Variants in GLI3 observed in about 807,000 individuals in gnomAD.
GLI3 encodes the protein transcription activator GLI3.
GLI3 carries 20 observed loss-of-function variants against 100.8 expected under a neutral mutation model. That is an observed-to-expected ratio of 0.20 (90% CI 0.14 to 0.29). GLI3 has a LOEUF of 0.29. GLI3 is among the 10% of genes least tolerant of loss of function. The pLI, the probability that GLI3 is intolerant of heterozygous loss-of-function variation, is 1.00. For synonymous variants in GLI3, 938 were observed against 860.5 expected, an observed-to-expected ratio of 1.09 and a Z score of -1.58; for missense variants, 2,040 against 2,128.5, an observed-to-expected ratio of 0.96 and a Z score of 0.82.
intron 5 of GLI3, among the ~76,000 whole-genome samples, chr7:42,047,252 CA>C (rs1324065518): frequency 6.6e-6 from 1 of 152,002 alleles, no homozygotes; most frequent in Non-Finnish European, 1.5e-5. Context: ...TGCACTGAAT[CA>C]AAAAAGAAAA....
chr7:42,040,010 C>A (rs1018436947), intron 7 of GLI3, 28 bp downstream of exon 7: 1 of 1,546,430 alleles, frequency 6.5e-7, no homozygotes, highest in South Asian at 1.1e-5. Flanking sequence ...ATTTAAAAAA[C>A]ACATAATGGA....
At chr7:42,152,799 C>T (rs1786904918) in intron 2 of GLI3, among the ~76,000 whole-genome samples, 2 of 152,210 alleles carry the variant, frequency 1.3e-5, no homozygotes, top group South Asian at 2.1e-4. Context: ...TCTGTATTGA[C>T]TTAAGAACAG....
Position 41,962,158 on chromosome 7 carries a change from T to C in GLI3, c.*2172A>G, listed in dbSNP as rs1309699367. ...TGGAGGTTGCATCCGAGAATACTAC[T>C]GGAAGAGCCCTCTGATGGAGGAGGT... On this transcript the variant is annotated 3_prime_UTR_variant, in exon 15 of 15. Coordinates refer to ENST00000395925, the MANE Select transcript of GLI3 (RefSeq NM_000168.6). The C allele has an allele frequency of 1.3e-5, 2 of 152,148 alleles. No individual in the cohort carries two copies. Among genetic ancestry groups the C allele is most frequent in the African/African-American group, 4.8e-5 (2 of 41,420 alleles). The allele number at this position is 152,148 out of a possible 1,614,324, so 9.4% of individuals were successfully genotyped here.
chr7:42,143,585 T>A (rs1786626537), intron 3 of GLI3, among the ~76,000 whole-genome samples: 1 of 152,198 alleles, frequency 6.6e-6, no homozygotes, highest in Non-Finnish European at 1.5e-5. Flanking sequence ...TCTATGCAGT[T>A]TTTTAGCACA....
intron 10 of GLI3, among the ~76,000 whole-genome samples, chr7:42,018,787 T>G (rs1489910513): frequency 6.6e-6 from 1 of 152,176 alleles, no homozygotes; most frequent in African/African-American, 2.4e-5. Flanking sequence ...TTAATCACTC[T>G]ACAAAAAGAT....
intron 3 of GLI3, among the ~76,000 whole-genome samples, chr7:42,143,475 T>C (rs985876621): frequency 4.6e-5 from 7 of 152,196 alleles, no homozygotes; most frequent in African/African-American, 9.7e-5. Flanking sequence ...ACCTATTAAA[T>C]ATGTAAAATA....
At chr7:42,202,400 C>G (rs986032314) in intron 2 of GLI3, among the ~76,000 whole-genome samples, 2 of 148,416 alleles carry the variant, frequency 1.3e-5, no homozygotes, top group African/African-American at 5.0e-5. Flanking sequence ...ACACACAGGG[C>G]AAATCAGTAT....
At chr7:42,004,892 T>C (rs193067808) in intron 10 of GLI3, among the ~76,000 whole-genome samples, 10 of 152,238 alleles carry the variant, frequency 6.6e-5, no homozygotes, top group African/African-American at 2.2e-4. Flanking sequence ...CTAAAATTCA[T>C]CTGTTTAACT....
intron 2 of GLI3, among the ~76,000 whole-genome samples, chr7:42,197,679 C>T (rs745758835): frequency 2.5e-4 from 38 of 152,178 alleles, no homozygotes; most frequent in African/African-American, 6.8e-4. Context: ...TTCCGGTCAG[C>T]GGGAGGTACA....
chr7:41,978,969 A>C (rs1161576347), intron 10 of GLI3, among the ~76,000 whole-genome samples: 1 of 152,210 alleles, frequency 6.6e-6, no homozygotes, highest in Non-Finnish European at 1.5e-5. Context: ...TGGGAGTGGC[A>C]AGACCGGGAT....
intron 7 of GLI3, among the ~76,000 whole-genome samples, chr7:42,028,678 C>T (rs964743251): frequency 2.1e-4 from 32 of 152,070 alleles, no homozygotes; most frequent in Admixed American, 2.0e-4. Flanking sequence ...GCAGGAGAAT[C>T]ACTTGAACTG....
Position 42,051,852 on chromosome 7 carries a change from C to T in GLI3, c.474-3156G>A, listed in dbSNP as rs188033310. Among the ~76,000 whole-genome samples the T allele has an allele frequency of 1.2e-4, 18 of 152,226 alleles. No homozygotes were observed. In the East Asian group the frequency reaches 3.3e-3, roughly 28 times the overall value. On this transcript the variant is annotated intron_variant, in intron 4 of 14. Transcript: ENST00000395925. ...TGATGAGCCTACACTCACACATCAT[C>T]GTCACCCAAAGTCCATAGTTTAGGG...
intron 3 of GLI3, among the ~76,000 whole-genome samples, chr7:42,091,556 C>T (rs1785219540): frequency 2.0e-5 from 3 of 152,248 alleles, no homozygotes; most frequent in South Asian, 2.1e-4. Context: ...CGCCATCCAC[C>T]GGCCTGCTGT....
chr7:42,259,933 T>G (rs753201393), intron 1 of GLI3, among the ~76,000 whole-genome samples: 25 of 152,370 alleles, frequency 1.6e-4, no homozygotes, highest in Non-Finnish European at 3.4e-4. Flanking sequence ...CAGCTTTGTC[T>G]GTGGTATGCA....
chr7:42,020,267 T>C lies in GLI3; in HGVS notation c.1497+3201A>G, dbSNP rs143519736. On this transcript the variant is annotated intron_variant, in intron 10 of 14. Coordinates refer to ENST00000395925, the MANE Select transcript of GLI3 (RefSeq NM_000168.6). Reference sequence around the variant, plus strand: ...TTCAAATCAAATTGTGATTTGCTAATGTGAAACACATGTCTCAAGTTCAAA... The same window carrying C: ...TTCAAATCAAATTGTGATTTGCTAACGTGAAACACATGTCTCAAGTTCAAA... Among the ~76,000 whole-genome samples the C allele has an allele frequency of 8.5e-5, 13 of 152,360 alleles. No homozygotes were observed. The East Asian group carries it at 2.1e-3, about 25-fold the overall frequency.
chr7:42,130,456 A>C (rs1251405361), intron 3 of GLI3, among the ~76,000 whole-genome samples: 2 of 152,250 alleles, frequency 1.3e-5, no homozygotes. Context: ...CAAGAGCAAG[A>C]TGTTAAGAAG....
chr7:42,088,609 C>T (rs546707767), intron 3 of GLI3, among the ~76,000 whole-genome samples: 2 of 152,340 alleles, frequency 1.3e-5, no homozygotes, highest in African/African-American at 2.4e-5. Flanking sequence ...CCATAAAAGG[C>T]AGAGGCCACT....
chr7:42,065,601 G>T (rs1426237708), intron 4 of GLI3, among the ~76,000 whole-genome samples: 1 of 152,132 alleles, frequency 6.6e-6, no homozygotes, highest in Non-Finnish European at 1.5e-5. Flanking sequence ...AAATGTAGTG[G>T]TTATAGTAAG....
chr7:41,987,666 C>T (rs761526502), intron 10 of GLI3, among the ~76,000 whole-genome samples: 5 of 152,148 alleles, frequency 3.3e-5, no homozygotes, highest in Non-Finnish European at 5.9e-5. Context: ...AAACATCATA[C>T]GCTAACATCA....
Sources: gnomAD v4.1 joint callset for allele counts (sites outside exome capture counted in the v4.1 genomes callset) on GRCh38, gnomAD v4.1.1 for gene constraint, MANE v1.5 for transcripts, NCBI Gene and HGNC (gene_info 2026-07-23, HGNC 2026-07-21) for gene names.